BRWD1: variants seen among roughly 807,000 people sequenced by gnomAD.
BRWD1 encodes bromodomain and WD repeat domain containing 1.
Under a neutral mutation model 251.2 loss-of-function variants are expected in BRWD1, and 82 were observed. That is an observed-to-expected ratio of 0.33 (90% confidence interval 0.27 to 0.39). The LOEUF (loss-of-function observed/expected upper bound fraction) is 0.39. Ranked by LOEUF, BRWD1 falls within the 10% of genes least tolerant of loss-of-function variation. The pLI, the probability that BRWD1 is intolerant of heterozygous loss-of-function variation, is 1.00. For synonymous variants in BRWD1, 918 were observed against 902.8 expected (o/e 1.02, Z -0.30); for missense variants, 2,233 against 2,711.6 (o/e 0.82, Z 3.92).
At chr21:39,221,942 T>C (rs929344708) in intron 29 of BRWD1, among the ~76,000 whole-genome samples, 2 of 151,544 alleles carry the variant, frequency 1.3e-5, no homozygotes, top group Admixed American at 1.3e-4. Context: ...TGAACATTTC[T>C]ACAAAGATAT....
rs1404905595 is a variant in BRWD1, at chr21:39,215,372, A to G, written c.3660-10T>C. On this transcript the variant is annotated splice_polypyrimidine_tract_variant and intron_variant, in intron 31 of 40. Coordinates refer to ENST00000342449, the MANE Select transcript of BRWD1 (RefSeq NM_033656.4). ...TAACGCAGACAGCCTCCTTCAAAAT[A>G]AAGTAGACAATTTAGGGCTTAGAAA... 5 of 1,611,038 alleles carry G rather than the reference A, an allele frequency of 3.1e-6. No individual in the cohort carries two copies. In the South Asian group the frequency reaches 3.3e-5, roughly 11 times the overall value.
In BRWD1 at chr21:39,199,514, A is replaced by G; in HGVS notation, c.4902T>C (p.Ala1634=). 2 of 1,614,214 alleles carry G rather than the reference A, an allele frequency of 1.2e-6. No homozygotes were observed. Among genetic ancestry groups the G allele is most frequent in the South Asian group, 1.1e-5 (1 of 91,086 alleles). The part of the protein sequence containing the change: ...NNRKVLRKCA[A]VAANKIKLMS... The stretch of plus-strand genomic sequence containing the variant: ...TTAGCTTTATTTTATTGGCAGCCAC[A>G]GCAGCACACTTCCTTAAGACTTTTC... The change falls in exon 40 of 41, where the codon GCT becomes GCC. Residue 1634 remains alanine, a synonymous_variant. Transcript: ENST00000342449.
chr21:39,312,625 C>A, intron 4 of BRWD1: 1 of 387,022 alleles, frequency 2.6e-6, no homozygotes, highest in Admixed American at 4.6e-5. Context: ...CACCGCTCCG[C>A]CCCGCGCCGC....
intron 35 of BRWD1, 29 bp from the exon 36 acceptor site, chr21:39,210,176 T>G (rs778312744): frequency 6.5e-7 from 1 of 1,528,626 alleles, no homozygotes; most frequent in South Asian, 1.2e-5. Flanking sequence ...ATTTAATTCA[T>G]AGATTCATTT....
intron 4 of BRWD1, among the ~76,000 whole-genome samples, chr21:39,300,950 G>A (rs140677438): frequency 1.5e-3 from 235 of 152,242 alleles, no homozygotes; most frequent in African/African-American, 4.7e-3. Flanking sequence ...AGGCCAAGGC[G>A]GGCAGATTAC....
At chr21:39,209,445 A>AG (rs1161743595) in intron 36 of BRWD1, among the ~76,000 whole-genome samples, 1 of 151,910 alleles carries the variant, frequency 6.6e-6, no homozygotes, top group African/African-American at 2.4e-5. Context: ...AGAAAAAAAA[A>AG]AAAAAGAAAA....
At chr21:39,207,487 C>CACACACAA (rs1453453078) in intron 36 of BRWD1, among the ~76,000 whole-genome samples, 4 of 146,496 alleles carry the variant, frequency 2.7e-5, no homozygotes, top group Non-Finnish European at 6.0e-5. Flanking sequence ...CACACACAAA[C>CACACACAA]AAAACTCCAA....
intron 19 of BRWD1, among the ~76,000 whole-genome samples, chr21:39,251,370 G>A (rs1445116044): frequency 6.6e-6 from 1 of 151,982 alleles, no homozygotes; most frequent in Admixed American, 6.6e-5. Context: ...CAATTTCAAA[G>A]CAAAGGACCT....
chr21:39,269,351 TAA>T (rs1244855517), intron 15 of BRWD1, among the ~76,000 whole-genome samples: 2 of 151,746 alleles, frequency 1.3e-5, no homozygotes, highest in Non-Finnish European at 2.9e-5. Flanking sequence ...TTTTTTTTTT[TAA>T]GAGAGTGTCT....
chr21:39,194,202 A>AT lies in BRWD1; in HGVS notation c.*2056_*2057insA. On this transcript the variant is annotated 3_prime_UTR_variant, in exon 41 of 41. Transcript: ENST00000342449. The stretch of plus-strand genomic sequence containing the variant: ...TCTATTAATGAAGCCTAAACTGTCA[A>AT]AATATTGTTTTATACCAAAAGAATG... The AT allele has an allele frequency of 1.0e-6, 1 of 982,964 alleles. No individual in the cohort carries two copies. Among genetic ancestry groups the AT allele is most frequent in the South Asian group, 4.7e-5 (1 of 21,376 alleles). 60.9% of individuals were successfully genotyped at this position (982,964 alleles called of 1,614,324 possible).
chr21:39,256,916 G>C (rs967409405), intron 18 of BRWD1, among the ~76,000 whole-genome samples: 1 of 152,196 alleles, frequency 6.6e-6, no homozygotes, highest in South Asian at 2.1e-4. Flanking sequence ...ATGTGCATTA[G>C]AGAACACACT....
intron 12 of BRWD1, among the ~76,000 whole-genome samples, chr21:39,275,939 G>A (rs1225721893): frequency 1.3e-5 from 2 of 152,166 alleles, no homozygotes; most frequent in Non-Finnish European, 1.5e-5. Context: ...GGCTGAGGTA[G>A]AAGATTAACT....
At chr21:39,246,565 A>G (rs537496090) in intron 21 of BRWD1, among the ~76,000 whole-genome samples, 1 of 152,366 alleles carries the variant, frequency 6.6e-6, no homozygotes, top group South Asian at 2.1e-4. Flanking sequence ...ATGAATGTTG[A>G]TAAGCAGCAC....
At chr21:39,245,596 T>A (rs1007957022) in intron 21 of BRWD1, among the ~76,000 whole-genome samples, 5 of 96,252 alleles carry the variant, frequency 5.2e-5, no homozygotes, top group African/African-American at 2.1e-4. Flanking sequence ...ATACTTTTTT[T>A]TTTGGTTTTT....
chr21:39,312,129 T>A (rs565606369), intron 4 of BRWD1, among the ~76,000 whole-genome samples: 3 of 152,240 alleles, frequency 2.0e-5, no homozygotes, highest in Non-Finnish European at 2.9e-5. Flanking sequence ...GCAAGTTATA[T>A]AGAAACATTA....
intron 36 of BRWD1, 150 bp from the exon 37 acceptor site, chr21:39,206,424 C>T (rs2032393034): frequency 1.7e-6 from 1 of 588,618 alleles, no homozygotes; most frequent in Non-Finnish European, 2.9e-6. Flanking sequence ...AACCCCCTTC[C>T]CTTAATGACA....
Position 39,313,594 on chromosome 21 carries a change from G to GCCA in BRWD1, c.-104_-103insTGG, listed in dbSNP as rs1452761497. ...CGTCCCCTCTTCTCAGGCGCGCGCC[G>GCCA]CCGCCGCCGCCGCCGCCGCCATACC... On this transcript the variant is annotated 5_prime_UTR_variant, in exon 1 of 41. Transcript: ENST00000342449. 2 of 777,268 alleles carry GCCA rather than the reference G, an allele frequency of 2.6e-6. No homozygotes were observed. Among genetic ancestry groups the GCCA allele is most frequent in the Non-Finnish European group, 3.4e-6 (2 of 587,146 alleles). The allele number at this position is 777,268 out of a possible 1,614,324, so 48.1% of individuals were successfully genotyped here.
At chr21:39,313,142 C>T (rs1257724295) in intron 2 of BRWD1, 41 bp from the exon 3 acceptor site, 3 of 1,493,172 alleles carry the variant, frequency 2.0e-6, no homozygotes, top group Admixed American at 2.3e-5. Context: ...GGGTCGGGCC[C>T]GGGGCGCTCC....
intron 4 of BRWD1, among the ~76,000 whole-genome samples, chr21:39,302,753 T>C (rs2036160130): frequency 6.4e-5 from 2 of 31,228 alleles, no homozygotes; most frequent in Non-Finnish European, 1.3e-4. Context: ...AGACTCCGTC[T>C]TAAAAAAAAA....
Sources: allele counts gnomAD v4.1 joint callset (sites outside exome capture counted in the v4.1 genomes callset), GRCh38; gene constraint gnomAD v4.1.1; transcripts MANE v1.5; gene names NCBI Gene and HGNC (gene_info 2026-07-23, HGNC 2026-07-21).